Variants in CSMD1 observed in about 807,000 individuals in gnomAD.
CSMD1 encodes the protein CUB and sushi domain-containing protein 1.
A neutral mutation model predicts 417.5 loss-of-function variants in CSMD1; 213 were observed. The ratio of observed to expected loss-of-function variants is 0.51; its 90% CI spans 0.46 to 0.57. The LOEUF is 0.57. CSMD1 is among the 20% of genes least tolerant of loss of function. The pLI, the probability that CSMD1 is intolerant of heterozygous loss-of-function variation, is 0.00. For missense variants in CSMD1, 6,923 were observed against 4,529.7 expected, an observed-to-expected ratio of 1.53 and a Z score of -15.17; for synonymous variants, 2,862 against 1,736.8, an observed-to-expected ratio of 1.65 and a Z score of -16.11.
chr8:3,832,249 T>A (rs1306568796), intron 5 of CSMD1, among the ~76,000 whole-genome samples: 2 of 152,192 alleles, frequency 1.3e-5, no homozygotes, highest in African/African-American at 4.8e-5. Flanking sequence ...GTCCTGCGCT[T>A]CCCTGCCTGA....
chr8:3,355,803 C>A (rs1279159267), intron 21 of CSMD1, among the ~76,000 whole-genome samples: 1 of 152,076 alleles, frequency 6.6e-6, no homozygotes, highest in African/African-American at 2.4e-5. Context: ...TGACTTAAGC[C>A]AATGTGGGCA....
intron 2 of CSMD1, among the ~76,000 whole-genome samples, chr8:4,504,287 G>A (rs1802408850): frequency 6.6e-6 from 1 of 152,150 alleles, no homozygotes; most frequent in Non-Finnish European, 1.5e-5. Flanking sequence ...CACAGAAGCA[G>A]AGAAAAGAAT....
intron 5 of CSMD1, among the ~76,000 whole-genome samples, chr8:3,825,873 A>G (rs1322326997): frequency 6.6e-6 from 1 of 152,234 alleles, no homozygotes; most frequent in Non-Finnish European, 1.5e-5. Context: ...ACACTAGGGC[A>G]AGATCAGAAA....
chr8:2,991,835 C>T (rs1206887265), intron 54 of CSMD1, among the ~76,000 whole-genome samples: 1 of 152,094 alleles, frequency 6.6e-6, no homozygotes, highest in Non-Finnish European at 1.5e-5. Context: ...GAAAATGGGG[C>T]TGTTTTTAAT....
chr8:4,314,535 A>T (rs147921955), intron 3 of CSMD1, among the ~76,000 whole-genome samples: 55 of 152,272 alleles, frequency 3.6e-4, no homozygotes, highest in Non-Finnish European at 6.0e-4. Context: ...TTCTCCCGAA[A>T]TACTAAAGAT....
chr8:4,182,612 A>G (rs1457889684), intron 3 of CSMD1, among the ~76,000 whole-genome samples: 1 of 152,180 alleles, frequency 6.6e-6, no homozygotes, highest in African/African-American at 2.4e-5. Context: ...AATTTTATGG[A>G]CAACAGTGTT....
intron 3 of CSMD1, among the ~76,000 whole-genome samples, chr8:4,313,941 G>T (rs193117850): frequency 2.0e-5 from 3 of 151,924 alleles, no homozygotes; most frequent in African/African-American, 7.3e-5. Context: ...TTGAACCTGG[G>T]AGGCAGAGGT....
intron 5 of CSMD1, among the ~76,000 whole-genome samples, chr8:3,799,729 T>C (rs944929670): frequency 2.0e-5 from 3 of 152,058 alleles, no homozygotes; most frequent in Non-Finnish European, 2.9e-5. Context: ...ATTCTGTGCA[T>C]TGTTTTATAA....
At chr8:4,398,565 T>C (rs1804427531) in intron 3 of CSMD1, among the ~76,000 whole-genome samples, 1 of 151,752 alleles carries the variant, frequency 6.6e-6, no homozygotes, top group South Asian at 2.1e-4. Flanking sequence ...GGCCAAATTT[T>C]TTTGTATTTT....
chr8:3,473,466 A>G (rs972530753), intron 11 of CSMD1, among the ~76,000 whole-genome samples: 5 of 152,202 alleles, frequency 3.3e-5, no homozygotes, highest in South Asian at 2.1e-4. Flanking sequence ...ATAATTATTT[A>G]AAACAAAAGA....
chr8:3,106,401 GATAA>G (rs1342868590), intron 46 of CSMD1, 123 bp downstream of exon 46: 60 of 604,208 alleles, frequency 9.9e-5, no homozygotes, highest in Middle Eastern at 4.6e-4. Flanking sequence ...CTATCTCCAA[GATAA>G]ATAAATAAAT....
chr8:3,353,143 G>T, intron 21 of CSMD1, among the ~76,000 whole-genome samples: 1 of 152,144 alleles, frequency 6.6e-6, no homozygotes, highest in Non-Finnish European at 1.5e-5. Flanking sequence ...ATCCATGAGG[G>T]CTACTTGCTT....
At chr8:3,246,943 C>T (rs932229274) in intron 26 of CSMD1, among the ~76,000 whole-genome samples, 1 of 152,154 alleles carries the variant, frequency 6.6e-6, no homozygotes, top group African/African-American at 2.4e-5. Context: ...AGAAAGCTTA[C>T]AATTTATTGC....
chr8:4,975,198 AC>A (rs1359653269), intron 1 of CSMD1, among the ~76,000 whole-genome samples: 1 of 152,206 alleles, frequency 6.6e-6, no homozygotes, highest in Non-Finnish European at 1.5e-5. Context: ...CACCACGGTG[AC>A]TTTTCTTTCC....
chr8:3,365,396 C>T (rs1488507332), intron 20 of CSMD1, among the ~76,000 whole-genome samples: 2 of 152,168 alleles, frequency 1.3e-5, no homozygotes, highest in Non-Finnish European at 2.9e-5. Flanking sequence ...TCCTTGAAGA[C>T]ACTATTTGAT....
At chr8:4,386,669 T>G (rs1355064629) in intron 3 of CSMD1, among the ~76,000 whole-genome samples, 1 of 152,218 alleles carries the variant, frequency 6.6e-6, no homozygotes, top group Non-Finnish European at 1.5e-5. Context: ...GAAGATTACC[T>G]GATGAGCCCT....
chr8:4,341,217 G>C (rs923317763), intron 3 of CSMD1, among the ~76,000 whole-genome samples: 1 of 152,038 alleles, frequency 6.6e-6, no homozygotes, highest in Non-Finnish European at 1.5e-5. Flanking sequence ...AAGTTTCCAT[G>C]GTACTAGCAA....
rs149043632 is a variant in CSMD1 at position 4,616,054 on chromosome 8, T to C, written c.302+21288A>G. Among the ~76,000 whole-genome samples the C allele has an allele frequency of 3.1e-3, 476 of 152,288 alleles. 3 individuals carry two copies. Among genetic ancestry groups the C allele is most frequent in the African/African-American group, 0.011 (450 of 41,576 alleles). On this transcript the variant is annotated intron_variant, in intron 2 of 69. Transcript: ENST00000635120. ...ATGAAATAAACTTAGTTCTACCCAA[T>C]AGTCTGGAGTGTTCTTATTTCATAG...
intron 26 of CSMD1, among the ~76,000 whole-genome samples, chr8:3,232,558 G>A (rs980492977): frequency 6.6e-6 from 1 of 152,102 alleles, no homozygotes; most frequent in Admixed American, 6.5e-5. Flanking sequence ...TCTTGTACAT[G>A]CTGCTGGTAC....
Sources: allele counts gnomAD v4.1 joint callset (sites outside exome capture counted in the v4.1 genomes callset), GRCh38; gene constraint gnomAD v4.1.1; transcripts MANE v1.5; gene names NCBI Gene and HGNC (gene_info 2026-07-23, HGNC 2026-07-21).